Variants in SLC46A3 observed in about 807,000 individuals in gnomAD.
SLC46A3 encodes solute carrier family 46 member 3.
A neutral mutation model predicts 38.5 loss-of-function variants in SLC46A3; 26 were observed. The observed-to-expected ratio is 0.68, with a 90% CI of 0.49 to 0.94. The LOEUF is 0.94. SLC46A3 is among the 40% of genes least tolerant of loss of function. SLC46A3 has a pLI of 0.00. For synonymous variants in SLC46A3, 185 were observed against 192.5 expected, an observed-to-expected ratio of 0.96 and a Z score of 0.32; for missense variants, 510 against 544.3, an observed-to-expected ratio of 0.94 and a Z score of 0.63.
intron 4 of SLC46A3, among the ~76,000 whole-genome samples, chr13:28,708,286 T>G (rs1885234910): frequency 6.6e-6 from 1 of 152,192 alleles, no homozygotes; most frequent in African/African-American, 2.4e-5. Context: ...CCACTCGCAG[T>G]GTATGAGGGC....
At chr13:28,701,700 G>A (rs1174815960) in intron 5 of SLC46A3, 119 bp from the exon 6 acceptor site, 5 of 881,880 alleles carry the variant, frequency 5.7e-6, no homozygotes, top group Non-Finnish European at 8.7e-6. Context: ...AGATTATTAG[G>A]AGGAGTATCC....
At position 28,717,887 on chromosome 13, in the gene SLC46A3, T is replaced by C. The variant is rs759444346; in HGVS notation, c.112A>G (p.Asn38Asp). 4 of 1,614,210 alleles carry C rather than the reference T, an allele frequency of 2.5e-6. No individual in the cohort carries two copies. In the Admixed American group the frequency reaches 5.0e-5, roughly 20 times the overall value. ...TTGCTATCAGATGAAAAAGTGTAGT[T>C]GCCAGTTTCTTCCCATATTCTCCGA... ...VYRRIWEETG[N>D]YTFSSDSNIS... The change falls in exon 2 of 6, where the codon AAC becomes GAC. Residue 38 changes from asparagine to aspartate, a missense_variant. Coordinates refer to ENST00000266943, the MANE Select transcript of SLC46A3 (RefSeq NM_181785.4).
chr13:28,715,187 A>T (rs902229305), intron 2 of SLC46A3, among the ~76,000 whole-genome samples: 1 of 152,224 alleles, frequency 6.6e-6, no homozygotes, highest in Admixed American at 6.5e-5. Context: ...CCAGAGGTCT[A>T]AGAGCACCAA....
Position 28,701,167 on chromosome 13 carries a change from G to A in SLC46A3, c.*330C>T. ...GTAAGAGCCTGGAATATGTCAGAGA[G>A]ATTATTGCTTTTGACCTTATCAAGT... is the stretch of plus-strand genomic sequence containing the variant. On this transcript the variant is annotated 3_prime_UTR_variant, in exon 6 of 6. Coordinates refer to ENST00000266943, the MANE Select transcript of SLC46A3 (RefSeq NM_181785.4). The A allele has an allele frequency of 7.1e-7, 1 of 1,410,156 alleles. No individual in the cohort carries two copies. The highest frequency in any genetic ancestry group is 9.2e-7 in the Non-Finnish European group (1 of 1,081,868). The allele number at this position is 1,410,156 out of a possible 1,614,324, so 87.4% of individuals were successfully genotyped here.
intron 4 of SLC46A3, among the ~76,000 whole-genome samples, chr13:28,705,211 C>T (rs758759940): frequency 6.6e-6 from 1 of 152,200 alleles, no homozygotes; most frequent in Admixed American, 6.5e-5. Flanking sequence ...TGCTTGTTCC[C>T]TACTTTGCCA....
intron 3 of SLC46A3, 64 bp from the exon 4 acceptor site, chr13:28,710,907 G>T: frequency 8.5e-7 from 1 of 1,171,188 alleles, no homozygotes; most frequent in Admixed American, 1.8e-5. Flanking sequence ...TTTAAAATAG[G>T]AAACACTTTC....
chr13:28,716,519 C>T (rs1291889483), intron 2 of SLC46A3, among the ~76,000 whole-genome samples: 1 of 151,984 alleles, frequency 6.6e-6, no homozygotes, highest in Non-Finnish European at 1.5e-5. Context: ...AACTGTGAGC[C>T]GATCGAAGCT....
chr13:28,717,156 C>T (rs549657943), intron 2 of SLC46A3, among the ~76,000 whole-genome samples: 12 of 152,224 alleles, frequency 7.9e-5, no homozygotes, highest in African/African-American at 2.9e-4. Context: ...AAGAAAGCCT[C>T]CTTAATATCT....
rs150621556 is a variant in SLC46A3, at chr13:28,713,447, T to C, written c.293A>G (p.Tyr98Cys). ...TFILLSISDH[Y>C]GRKFPMILSS... ...CAAAATCATAGGGAATTTTCGTCCG[T>C]AGTGATCACTAATAGACAAAAGTAT... Residue 98 changes from tyrosine to cysteine, a missense_variant, in exon 3 of 6, where the codon TAC becomes TGC. Transcript: ENST00000266943. The C allele has an allele frequency of 9.1e-4, 1,461 of 1,614,114 alleles. 9 individuals are homozygous for C. The African/African-American group carries it at 0.016, about 18-fold the overall frequency.
In SLC46A3 at chr13:28,713,024, T is replaced by C; in HGVS notation, c.716A>G (p.Lys239Arg). ...CATGTAAGTTCGGTAAAATAGGTTT[T>C]TGAAGCCTTCACTACATGACATAGT... ...NVTMSCSEGFKNLFYRTYMLF... is the reference protein window; with the variant it reads ...NVTMSCSEGFRNLFYRTYMLF... The change falls in exon 3 of 6, where the codon AAA (lysine) becomes AGA (arginine). Residue 239 changes from lysine to arginine, a missense_variant. By Grantham distance (26) the Lys-to-Arg change is conservative. Coordinates refer to ENST00000266943, the MANE Select transcript of SLC46A3 (RefSeq NM_181785.4). 1 of 1,612,672 alleles carries C rather than the reference T, an allele frequency of 6.2e-7. No homozygotes were observed. Among genetic ancestry groups the C allele is most frequent in the Non-Finnish European group, 8.5e-7 (1 of 1,179,812 alleles).
intron 2 of SLC46A3, among the ~76,000 whole-genome samples, chr13:28,714,365 T>C (rs1418407501): frequency 6.6e-6 from 1 of 152,142 alleles, no homozygotes. Context: ...ATCCCAGCAC[T>C]GTGGGAGGCC....
At chr13:28,706,384 G>A (rs1885174497) in intron 4 of SLC46A3, among the ~76,000 whole-genome samples, 1 of 152,090 alleles carries the variant, frequency 6.6e-6, no homozygotes, top group Admixed American at 6.5e-5. Context: ...AATAATGAAG[G>A]ATGCGAATAC....
In SLC46A3 at chr13:28,712,729, T is replaced by A; in HGVS notation, c.1011A>T (p.Thr337=). ...MAFIGIFTTM[T]GMAMTAFAST... ...TGGCAAACGCGGTCATAGCCATTCC[T>A]GTCATCGTGGTAAAAATCCCAATGA... The change falls in exon 3 of 6, where the codon ACA becomes ACT. Residue 337 remains threonine, a synonymous_variant. Transcript: ENST00000266943. The A allele has an allele frequency of 6.2e-7, 1 of 1,609,250 alleles. No individual in the cohort carries two copies. The highest frequency in any genetic ancestry group is 8.5e-7 in the Non-Finnish European group (1 of 1,178,866).
chr13:28,701,094 A>G lies in SLC46A3; in HGVS notation c.*403T>C. 1 of 1,453,344 alleles carries G rather than the reference A, an allele frequency of 6.9e-7. No individual in the cohort carries two copies. The highest frequency in any genetic ancestry group is 9.1e-7 in the Non-Finnish European group (1 of 1,102,130). 90.0% of individuals were successfully genotyped at this position (1,453,344 alleles called of 1,614,324 possible). ...TATCCCTGAGAGAGGCCAGAAACCC[A>G]TTCTGCTGATGAAGAAACTGAGGTA... On this transcript the variant is annotated 3_prime_UTR_variant, in exon 6 of 6. Transcript: ENST00000266943.
At chr13:28,714,634 C>T (rs571230771) in intron 2 of SLC46A3, among the ~76,000 whole-genome samples, 199 of 152,210 alleles carry the variant, frequency 1.3e-3, no homozygotes, top group African/African-American at 4.5e-3. Flanking sequence ...CTGTAGTCTC[C>T]GCTACTTGGG....
At chr13:28,712,241 T>C (rs1885363393) in intron 3 of SLC46A3, among the ~76,000 whole-genome samples, 1 of 152,208 alleles carries the variant, frequency 6.6e-6, no homozygotes. Context: ...AAAGATCAAT[T>C]TGCAAAACCT....
chr13:28,708,618 T>C (rs58005391), intron 4 of SLC46A3, among the ~76,000 whole-genome samples: 4,218 of 146,196 alleles, frequency 0.029, 217 homozygotes, highest in African/African-American at 0.1. Flanking sequence ...TCTTTTCTTT[T>C]TTTTTTTTTT....
At chr13:28,710,910 A>G (rs1300653824) in intron 3 of SLC46A3, 67 bp from the exon 4 acceptor site, 1 of 1,114,352 alleles carries the variant, frequency 9.0e-7, no homozygotes, top group Non-Finnish European at 1.4e-6. Flanking sequence ...AAAATAGGAA[A>G]CACTTTCACT....
chr13:28,711,868 T>TAATG (rs1204940982), intron 3 of SLC46A3, among the ~76,000 whole-genome samples: 1 of 152,206 alleles, frequency 6.6e-6, no homozygotes, highest in Admixed American at 6.5e-5. Flanking sequence ...GACAGCTACC[T>TAATG]AATGTTCACT....
Sources: gnomAD v4.1 joint callset for allele counts (sites outside exome capture counted in the v4.1 genomes callset) on GRCh38, gnomAD v4.1.1 for gene constraint, MANE v1.5 for transcripts, NCBI Gene and HGNC (gene_info 2026-07-23, HGNC 2026-07-21) for gene names.